OLA1: variants seen among roughly 807,000 people sequenced by gnomAD.
The protein encoded by OLA1 is Obg like ATPase 1, also known as obg-like ATPase 1.
In OLA1, 14 loss-of-function variants were observed where a neutral mutation model predicts 48.4. The ratio of observed to expected loss-of-function variants is 0.29; its 90% CI spans 0.19 to 0.45. The LOEUF is 0.45. OLA1 is among the 20% of genes least tolerant of loss of function. OLA1 has a pLI of 1.00. For synonymous variants in OLA1, 127 were observed against 150.4 expected, an observed-to-expected ratio of 0.84 and a Z score of 1.14; for missense variants, 325 against 467.1, an observed-to-expected ratio of 0.70 and a Z score of 2.80.
chr2:174,119,690 T>G (rs1685865972), intron 7 of OLA1, among the ~76,000 whole-genome samples: 1 of 152,002 alleles, frequency 6.6e-6, no homozygotes, highest in Non-Finnish European at 1.5e-5. Context: ...AATGAACACA[T>G]AAAGATGGGA....
Position 174,073,807 on chromosome 2 carries a change from C to T in OLA1, c.*1619G>A, listed in dbSNP as rs542406781. The T allele has an allele frequency of 6.6e-6, 1 of 152,318 alleles. No individual in the cohort carries two copies. The highest frequency in any genetic ancestry group is 1.9e-4 in the East Asian group (1 of 5,188). The allele number at this position is 152,318 out of a possible 1,614,324, so 9.4% of individuals were successfully genotyped here. A position where few individuals can be genotyped will look rare whatever the true frequency, so the allele number is the denominator to read the frequency against. On this transcript the variant is annotated 3_prime_UTR_variant, in exon 11 of 11. Coordinates refer to ENST00000284719, the MANE Select transcript of OLA1 (RefSeq NM_013341.5). ...CACTAATCTACACATTACTCCAATACAGAAATAGATATAACAAGGATTTTT... is the reference window on the plus strand; with the variant it reads ...CACTAATCTACACATTACTCCAATATAGAAATAGATATAACAAGGATTTTT...
At chr2:174,116,102 T>A (rs1685774765) in intron 7 of OLA1, among the ~76,000 whole-genome samples, 2 of 152,218 alleles carry the variant, frequency 1.3e-5, no homozygotes, top group African/African-American at 4.8e-5. Context: ...ACAGTTTTTT[T>A]TACCAAGTTT....
chr2:174,168,228 A>G (rs980532217), intron 4 of OLA1, among the ~76,000 whole-genome samples: 1 of 152,208 alleles, frequency 6.6e-6, no homozygotes, highest in Non-Finnish European at 1.5e-5. Context: ...AGAGACAGGA[A>G]AAATAGAAGA....
chr2:174,168,690 GAGA>G (rs1218690812), intron 4 of OLA1, among the ~76,000 whole-genome samples: 2 of 152,088 alleles, frequency 1.3e-5, no homozygotes, highest in African/African-American at 4.8e-5. Context: ...GAAGGAAGAA[GAGA>G]AGAAGAAAGG....
At chr2:174,111,926 A>G (rs1036742379) in intron 7 of OLA1, among the ~76,000 whole-genome samples, 1 of 152,240 alleles carries the variant, frequency 6.6e-6, no homozygotes, top group African/African-American at 2.4e-5. Context: ...TACTGTCCCT[A>G]CAATGGCTAT....
intron 7 of OLA1, among the ~76,000 whole-genome samples, chr2:174,093,468 CA>C (rs34677839): frequency 4.8e-5 from 7 of 147,286 alleles, no homozygotes; most frequent in African/African-American, 1.3e-4. Flanking sequence ...GACCTCTTCT[CA>C]AAAAAAAAAC....
intron 4 of OLA1, among the ~76,000 whole-genome samples, chr2:174,168,787 A>G (rs1374717100): frequency 7.2e-6 from 1 of 139,170 alleles, no homozygotes; most frequent in South Asian, 2.3e-4. Context: ...CTATCTATCT[A>G]TCTATCTATC....
chr2:174,103,683 T>G (rs1685448477), intron 7 of OLA1, among the ~76,000 whole-genome samples: 1 of 152,194 alleles, frequency 6.6e-6, no homozygotes. Context: ...CAACAATATT[T>G]ACTGAGTCCA....
chr2:174,221,055 A>G (rs1688489276), intron 4 of OLA1, among the ~76,000 whole-genome samples: 1 of 152,200 alleles, frequency 6.6e-6, no homozygotes, highest in Non-Finnish European at 1.5e-5. Flanking sequence ...TTATAAATGT[A>G]TCATTCAGTG....
intron 4 of OLA1, among the ~76,000 whole-genome samples, chr2:174,217,597 A>G (rs1409030149): frequency 1.3e-5 from 2 of 152,198 alleles, no homozygotes; most frequent in African/African-American, 4.8e-5. Flanking sequence ...ATGTCTTGAC[A>G]TATGCATACA....
rs76471043 is a variant in OLA1, at chr2:174,114,341, C to CAAA, written c.728+8836_728+8838dup. On this transcript the variant is annotated intron_variant, in intron 7 of 10. Transcript: ENST00000284719. ...TGGGCGACAGAGCAAGACTCCGCCTCAAAAAAAAAAAAAAAAAAAAAAAAA... is the reference window on the plus strand; with the variant it reads ...TGGGCGACAGAGCAAGACTCCGCCTCAAAAAAAAAAAAAAAAAAAAAAAAAAAA... 1.9e-3 allele frequency among the ~76,000 whole-genome samples: 117 copies of CAAA among 60,636 alleles called. 9 individuals carry two copies. Among genetic ancestry groups the CAAA allele is most frequent in the East Asian group, 0.014 (18 of 1,290 alleles). 39.8% of individuals were successfully genotyped at this position (60,636 alleles called of 152,430 possible).
At chr2:174,183,875 A>G (rs572536794) in intron 4 of OLA1, among the ~76,000 whole-genome samples, 1 of 152,336 alleles carries the variant, frequency 6.6e-6, no homozygotes, top group African/African-American at 2.4e-5. Context: ...TCAGGTCTCT[A>G]GAGACAGGAA....
chr2:174,123,074 A>C, intron 7 of OLA1, 106 bp downstream of exon 7: 1 of 602,942 alleles, frequency 1.7e-6, no homozygotes, highest in Admixed American at 3.8e-5. Context: ...TAATAAGGAG[A>C]AAAATATTAA....
At chr2:174,197,745 T>C (rs1687910396) in intron 4 of OLA1, among the ~76,000 whole-genome samples, 1 of 152,132 alleles carries the variant, frequency 6.6e-6, no homozygotes, top group Admixed American at 6.5e-5. Context: ...AATAGGCAAA[T>C]GTGATCTACA....
At chr2:174,144,949 A>AT (rs1328085797) in intron 4 of OLA1, among the ~76,000 whole-genome samples, 153 of 56,996 alleles carry the variant, frequency 2.7e-3, no homozygotes, top group African/African-American at 3.1e-3. Context: ...AAAAAAAAAA[A>AT]AAATATATAT....
chr2:174,158,210 T>C lies in OLA1; in HGVS notation c.374-16210A>G, dbSNP rs377155134. On this transcript the variant is annotated intron_variant, in intron 4 of 10. Coordinates refer to ENST00000284719, the MANE Select transcript of OLA1 (RefSeq NM_013341.5). The stretch of plus-strand genomic sequence containing the variant: ...AGGTGGTGCCAAATCAAAGCCAGTA[T>C]CAGAATGGATTTGGATGGGCCAGGA... 1.6e-4 allele frequency among the ~76,000 whole-genome samples: 25 copies of C among 152,300 alleles called. 1 individual carries two copies. Among genetic ancestry groups the C allele is most frequent in the African/African-American group, 5.8e-4 (24 of 41,560 alleles).
At chr2:174,132,882 T>C (rs764267336) in intron 5 of OLA1, among the ~76,000 whole-genome samples, 14 of 152,208 alleles carry the variant, frequency 9.2e-5, no homozygotes, top group Non-Finnish European at 1.6e-4. Context: ...TCTTCTATAT[T>C]CTTTACTAAA....
intron 3 of OLA1, 144 bp from the exon 4 acceptor site, chr2:174,223,304 TCCC>T (rs1217591391): frequency 1.9e-5 from 14 of 724,436 alleles, no homozygotes; most frequent in Non-Finnish European, 2.1e-5. Flanking sequence ...TATCCACCCC[TCCC>T]CCCAAAAAAA....
intron 4 of OLA1, among the ~76,000 whole-genome samples, chr2:174,168,801 CT>C (rs2105403751): frequency 7.2e-6 from 1 of 138,370 alleles, no homozygotes; most frequent in East Asian, 2.2e-4. Context: ...ATCTATCTAT[CT>C]AGATATATGG....
Sources: allele counts gnomAD v4.1 joint callset (sites outside exome capture counted in the v4.1 genomes callset), GRCh38; gene constraint gnomAD v4.1.1; transcripts MANE v1.5; gene names NCBI Gene and HGNC (gene_info 2026-07-23, HGNC 2026-07-21).